AMPD3: variants seen among roughly 807,000 people sequenced by gnomAD.
AMPD3 encodes the protein adenosine monophosphate deaminase 3.
Under a neutral mutation model 82.3 loss-of-function variants are expected in AMPD3, and 57 were observed. The observed-to-expected ratio is 0.69, with a 90% CI of 0.56 to 0.86. The LOEUF (loss-of-function observed/expected upper bound fraction) is 0.86. Among genes scored for constraint, AMPD3 ranks in the 40% least tolerant of loss-of-function variants. AMPD3 has a pLI of 0.00. For missense variants in AMPD3, 870 were observed against 1,003.8 expected (o/e 0.87, Z 1.80); for synonymous variants, 381 against 394.7 (o/e 0.97, Z 0.41).
chr11:10,473,552 T>C (rs752836590), intron 2 of AMPD3: 16 of 985,208 alleles, frequency 1.6e-5, no homozygotes, highest in Admixed American at 6.2e-5. Flanking sequence ...TCACACCTGA[T>C]TGGCTGCAAA....
At chr11:10,495,383 A>G in intron 8 of AMPD3, 187 bp from the exon 9 acceptor site, 1 of 984,672 alleles carries the variant, frequency 1.0e-6, no homozygotes, top group Non-Finnish European at 1.2e-6. Flanking sequence ...CTTCCTCACC[A>G]GAGGGGGCCT....
rs1849583081 is a variant in AMPD3 at position 10,501,563 on chromosome 11, C to A, written c.1815C>A (p.Asn605Lys). Residue 605 changes from asparagine to lysine, a missense_variant, in exon 12 of 15, where the codon AAC becomes AAA. Coordinates refer to ENST00000396553, the MANE Select transcript of AMPD3 (RefSeq NM_001025389.2). ...TGTCTGCCTTCCTCACTGCTGACAA[C>A]ATTTCCCACGGGCTGCTCCTCAAGA... ...HLVSAFLTAD[N>K]ISHGLLLKKS... The A allele has an allele frequency of 6.2e-7, 1 of 1,614,074 alleles. No individual in the cohort carries two copies. The highest frequency in any genetic ancestry group is 1.3e-5 in the African/African-American group (1 of 74,926).
chr11:10,482,881 G>T (rs979330113), intron 4 of AMPD3, among the ~76,000 whole-genome samples: 16 of 152,280 alleles, frequency 1.1e-4, no homozygotes, highest in Middle Eastern at 3.4e-3. Flanking sequence ...ATTGGTGGTA[G>T]GGTGGATCGG....
upstream of AMPD3, among the ~76,000 whole-genome samples, chr11:10,452,478 T>C (rs749444529): frequency 8.5e-5 from 13 of 152,090 alleles, no homozygotes; most frequent in Non-Finnish European, 1.6e-4. Flanking sequence ...GAGTCCTGGC[T>C]GTGTACAGTC....
At chr11:10,496,070 C>G (rs1456117459) in intron 9 of AMPD3, 1 of 289,572 alleles carries the variant, frequency 3.5e-6, no homozygotes, top group Non-Finnish European at 5.2e-6. Context: ...GCACCCGCCA[C>G]CACGTCTGGC....
rs751921390 is a variant in AMPD3 at position 10,461,446 on chromosome 11, G to A, written c.-5-69G>A. The A allele has an allele frequency of 1.9e-6, 3 of 1,610,978 alleles. No individual in the cohort carries two copies. The South Asian group carries it at 3.3e-5, about 18-fold the overall frequency. On this transcript the variant is annotated intron_variant, in intron 1 of 14. Coordinates refer to ENST00000396553, the MANE Select transcript of AMPD3 (RefSeq NM_001025389.2). ...CCAGGTGGGCCTGGCCCTCACTTCA[G>A]TGCCTTCTCTTCCCCGGTGCTGGTG... is the stretch of plus-strand genomic sequence containing the variant.
At chr11:10,486,691 C>T in intron 5 of AMPD3, 1 of 985,386 alleles carries the variant, frequency 1.0e-6, no homozygotes, top group Non-Finnish European at 1.2e-6. Context: ...GGGGCTGGTT[C>T]CTCTGCAACC....
chr11:10,499,682 C>G (rs953860185), intron 10 of AMPD3: 2 of 985,284 alleles, frequency 2.0e-6, no homozygotes, highest in South Asian at 4.7e-5. Flanking sequence ...GTACTAGGAC[C>G]CTTTTCCCTC....
intron 11 of AMPD3, chr11:10,500,862 C>G (rs558772907): frequency 1.0e-6 from 1 of 985,460 alleles, no homozygotes; most frequent in East Asian, 1.1e-4. Context: ...GAGCCATTCC[C>G]TTCCCTACAA....
At chr11:10,469,466 T>A (rs1367546430) in intron 2 of AMPD3, among the ~76,000 whole-genome samples, 1 of 152,132 alleles carries the variant, frequency 6.6e-6, no homozygotes, top group Non-Finnish European at 1.5e-5. Context: ...AATCCCTGAA[T>A]AGACCAATAA....
intron 5 of AMPD3, 174 bp from the exon 6 acceptor site, chr11:10,487,061 T>A: frequency 3.1e-6 from 3 of 956,366 alleles, no homozygotes; most frequent in Non-Finnish European, 3.7e-6. Flanking sequence ...TTATAGAGTC[T>A]GTGGATATGA....
rs1849114434 is a variant in AMPD3, at chr11:10,487,662, T to C, written c.939+298T>C. On this transcript the variant is annotated intron_variant, in intron 6 of 14. Coordinates refer to ENST00000396553, the MANE Select transcript of AMPD3 (RefSeq NM_001025389.2). ...GGAAAATAGGGCACAGCCTATTAAT[T>C]GGTCATAAAAGTTGAGCACAGCCTA... 2.0e-5 allele frequency among the ~76,000 whole-genome samples: 3 copies of C among 152,212 alleles called. No homozygotes were observed. The South Asian group carries it at 6.2e-4, about 31-fold the overall frequency.
At chr11:10,481,871 A>T (rs1848917324) in intron 3 of AMPD3, 192 bp from the exon 4 acceptor site, 1 of 689,542 alleles carries the variant, frequency 1.5e-6, no homozygotes, top group African/African-American at 1.8e-5. Flanking sequence ...GGTGTCCAAC[A>T]TAAACCATAT....
chr11:10,473,431 G>T, intron 2 of AMPD3: 1 of 985,380 alleles, frequency 1.0e-6, no homozygotes, highest in East Asian at 1.1e-4. Flanking sequence ...GGCAGGAGAT[G>T]AGTGGAGATT....
At chr11:10,489,867 G>A (rs887465736) in intron 6 of AMPD3, among the ~76,000 whole-genome samples, 1 of 152,116 alleles carries the variant, frequency 6.6e-6, no homozygotes, top group Non-Finnish European at 1.5e-5. Context: ...TTTTAGTAGA[G>A]ATGGGGTTTT....
chr11:10,473,615 C>T, intron 2 of AMPD3: 3 of 985,036 alleles, frequency 3.0e-6, no homozygotes, highest in Non-Finnish European at 3.6e-6. Flanking sequence ...CATCTGGCTG[C>T]ATATGCGGAG....
chr11:10,504,073 A>T (rs1591489323), intron 13 of AMPD3: 1 of 837,314 alleles, frequency 1.2e-6, no homozygotes, highest in Non-Finnish European at 1.4e-6. Context: ...ATCACTTCTC[A>T]TTTTTTTTTT....
In AMPD3 at chr11:10,461,429, G is replaced by T. The variant is rs186250080; in HGVS notation, c.-5-86G>T. ...ACAGCTGACCCCAAGTACCAGGTGG[G>T]CCTGGCCCTCACTTCAGTGCCTTCT... is the stretch of plus-strand genomic sequence containing the variant. On this transcript the variant is annotated intron_variant, in intron 1 of 14. Coordinates refer to ENST00000396553, the MANE Select transcript of AMPD3 (RefSeq NM_001025389.2). 4.1e-3 allele frequency: 6,547 copies of T among 1,607,504 alleles called. 20 individuals are homozygous for T. Among genetic ancestry groups the T allele is most frequent in the Non-Finnish European group, 5.0e-3 (5,854 of 1,179,726 alleles).
intron 1 of AMPD3, among the ~76,000 whole-genome samples, chr11:10,457,081 A>T (rs1848117790): frequency 6.6e-6 from 1 of 150,504 alleles, no homozygotes; most frequent in Non-Finnish European, 1.5e-5. Context: ...GGACTCGAGC[A>T]ATTCTCCCAA....
Sources: gnomAD v4.1 joint callset for allele counts (sites outside exome capture counted in the v4.1 genomes callset) on GRCh38, gnomAD v4.1.1 for gene constraint, MANE v1.5 for transcripts, NCBI Gene and HGNC (gene_info 2026-07-23, HGNC 2026-07-21) for gene names.